The following WWOX variants were observed in gnomAD, a reference collection of about 807,000 sequenced individuals.
The protein encoded by WWOX is WW domain containing oxidoreductase, also known as WW domain-containing oxidoreductase.
Under a neutral mutation model 46.2 loss-of-function variants are expected in WWOX, and 69 were observed. That is an observed-to-expected ratio of 1.49 (90% CI 1.23 to 1.82). The LOEUF (loss-of-function observed/expected upper bound fraction) is 1.82, where lower values mean the gene tolerates loss of function less well. WWOX is among the 40% of genes most tolerant of loss of function. The probability of loss-of-function intolerance (pLI) is 0.00; values close to 1 mark genes in which losing one functional copy is unlikely to be tolerated. For missense variants in WWOX, 919 were observed against 542.6 expected, an observed-to-expected ratio of 1.69 and a Z score of -6.89; for synonymous variants, 359 against 202.6, an observed-to-expected ratio of 1.77 and a Z score of -6.56.
At chr16:78,360,494 A>G (rs2081385665) in intron 5 of WWOX, among the ~76,000 whole-genome samples, 2 of 150,508 alleles carry the variant, frequency 1.3e-5, no homozygotes. Context: ...CTGAGACATG[A>G]GAATCACTTG....
intron 8 of WWOX, chr16:78,895,634 A>C (rs1466431086): frequency 1.3e-5 from 2 of 152,336 alleles, no homozygotes; most frequent in Non-Finnish European, 2.9e-5. Flanking sequence ...GGCAATGCTG[A>C]CCCCAAATGA....
chr16:78,596,492 A>G lies in WWOX; in HGVS notation c.1056+163740A>G, dbSNP rs911421207. On this transcript the variant is annotated intron_variant, in intron 8 of 8. Transcript: ENST00000566780. ...CCCAGCAGGGCGTATCAGGGGTGCT[A>G]AGGTGACTTCCAAGATTGAGGTTGG... 2.6e-5 allele frequency among the ~76,000 whole-genome samples: 4 copies of G among 151,008 alleles called. No individual in the cohort carries two copies. In the South Asian group the frequency reaches 8.3e-4, roughly 31 times the overall value.
chr16:79,132,795 T>C (rs1178573492), intron 8 of WWOX, among the ~76,000 whole-genome samples: 1 of 152,252 alleles, frequency 6.6e-6, no homozygotes, highest in Non-Finnish European at 1.5e-5. Context: ...CTGATGTCAA[T>C]GACTTTTCAA....
chr16:78,415,650 T>A (rs952880274), intron 6 of WWOX, among the ~76,000 whole-genome samples: 1 of 152,028 alleles, frequency 6.6e-6, no homozygotes, highest in East Asian at 1.9e-4. Context: ...AGATAGAAAA[T>A]GCTAGAAAGA....
intron 8 of WWOX, among the ~76,000 whole-genome samples, chr16:78,977,975 G>A (rs1333636616): frequency 4.1e-5 from 2 of 48,484 alleles, no homozygotes; most frequent in Non-Finnish European, 1.7e-4. Context: ...TGTAAATACC[G>A]CATCTATTTC....
At chr16:78,706,209 G>T (rs186297342) in intron 8 of WWOX, among the ~76,000 whole-genome samples, 1 of 151,904 alleles carries the variant, frequency 6.6e-6, no homozygotes, top group Non-Finnish European at 1.5e-5. Context: ...AACAGTTTTC[G>T]TGCATATGTG....
At chr16:78,789,758 C>G (rs1352017189) in intron 8 of WWOX, among the ~76,000 whole-genome samples, 2 of 152,174 alleles carry the variant, frequency 1.3e-5, no homozygotes, top group African/African-American at 2.4e-5. Flanking sequence ...TTGGCCAGCT[C>G]CCAAACACCA....
chr16:78,429,551 G>C lies in WWOX; in HGVS notation c.792-2937G>C, dbSNP rs1247669655. 5.3e-5 allele frequency among the ~76,000 whole-genome samples: 8 copies of C among 152,218 alleles called. 1 individual carries two copies. The highest frequency in any genetic ancestry group is 1.7e-4 in the African/African-American group (7 of 41,554). On this transcript the variant is annotated intron_variant, in intron 7 of 8. Coordinates refer to ENST00000566780, the MANE Select transcript of WWOX (RefSeq NM_016373.4). Reference sequence around the variant, plus strand: ...AGTTGACAAAAGATGAGTAGAGAGAGGGAGGGGGTGGTGCTATATTTATTC... The same window carrying C: ...AGTTGACAAAAGATGAGTAGAGAGACGGAGGGGGTGGTGCTATATTTATTC...
chr16:78,547,188 C>A (rs996456113), intron 8 of WWOX, among the ~76,000 whole-genome samples: 2 of 147,400 alleles, frequency 1.4e-5, no homozygotes, highest in Admixed American at 6.7e-5. Flanking sequence ...GAATGTCTGC[C>A]AGTTTCAACC....
At chr16:79,004,155 C>G (rs1431426311) in intron 8 of WWOX, 1 of 152,194 alleles carries the variant, frequency 6.6e-6, no homozygotes, top group Non-Finnish European at 1.5e-5. Context: ...TCAGGCAATT[C>G]CAAGAGAGAA....
intron 8 of WWOX, among the ~76,000 whole-genome samples, chr16:78,583,385 C>A (rs2045112682): frequency 6.6e-6 from 1 of 152,172 alleles, no homozygotes; most frequent in African/African-American, 2.4e-5. Flanking sequence ...AGAACCTTAC[C>A]TACTCAAGTG....
intron 8 of WWOX, among the ~76,000 whole-genome samples, chr16:78,693,788 G>A (rs1386084044): frequency 6.6e-6 from 1 of 152,086 alleles, no homozygotes; most frequent in Non-Finnish European, 1.5e-5. Flanking sequence ...GAGAATTGTT[G>A]ATCTAGGGGA....
At chr16:78,318,285 T>G (rs1298119919) in intron 5 of WWOX, among the ~76,000 whole-genome samples, 1 of 150,752 alleles carries the variant, frequency 6.6e-6, no homozygotes, top group Non-Finnish European at 1.5e-5. Context: ...TTTTTTTTTT[T>G]TTTTGGTATA....
At chr16:78,819,039 C>T (rs985098245) in intron 8 of WWOX, among the ~76,000 whole-genome samples, 11 of 152,164 alleles carry the variant, frequency 7.2e-5, no homozygotes, top group Non-Finnish European at 1.3e-4. Context: ...TAAATGGAAA[C>T]GATAACGGCG....
At chr16:78,996,446 A>C in intron 8 of WWOX, 4 of 567,422 alleles carry the variant, frequency 7.0e-6, no homozygotes, top group Non-Finnish European at 8.8e-6. Context: ...AGGCATATTC[A>C]AAGTGCTCAG....
chr16:78,674,430 G>T (rs1217875765), intron 8 of WWOX, among the ~76,000 whole-genome samples: 1 of 151,854 alleles, frequency 6.6e-6, no homozygotes, highest in African/African-American at 2.4e-5. Context: ...AACTACAGGC[G>T]TCCGCCACCA....
At chr16:78,769,405 T>C (rs774692830) in intron 8 of WWOX, among the ~76,000 whole-genome samples, 1 of 152,080 alleles carries the variant, frequency 6.6e-6, no homozygotes, top group Non-Finnish European at 1.5e-5. Context: ...TTGTAACCTG[T>C]CAAGCACATG....
At chr16:78,624,158 T>C (rs1342524465) in intron 8 of WWOX, among the ~76,000 whole-genome samples, 2 of 152,214 alleles carry the variant, frequency 1.3e-5, no homozygotes, top group African/African-American at 4.8e-5. Flanking sequence ...AATTGGAATT[T>C]TTGCTTTTGA....
intron 8 of WWOX, among the ~76,000 whole-genome samples, chr16:78,999,518 A>G (rs2047053492): frequency 6.6e-6 from 1 of 152,214 alleles, no homozygotes; most frequent in Non-Finnish European, 1.5e-5. Flanking sequence ...TGGTACAGAA[A>G]ATGATCTGCA....
Sources: gnomAD v4.1 joint callset for allele counts (sites outside exome capture counted in the v4.1 genomes callset) on GRCh38, gnomAD v4.1.1 for gene constraint, MANE v1.5 for transcripts, NCBI Gene and HGNC (gene_info 2026-07-23, HGNC 2026-07-21) for gene names.